The following POLR2E variants were observed in gnomAD, a reference collection of about 807,000 sequenced individuals.
POLR2E encodes DNA-directed RNA polymerases I, II, and III subunit RPABC1.
In POLR2E, 35 loss-of-function variants were observed where a neutral mutation model predicts 29.8. The ratio of observed to expected loss-of-function variants is 1.17; its 90% CI spans 0.90 to 1.55. POLR2E has a LOEUF of 1.55. Among genes scored for constraint, POLR2E ranks in the 40% most tolerant of loss-of-function variants. The pLI, the probability that POLR2E is intolerant of heterozygous loss-of-function variation, is 0.00. For missense variants in POLR2E, 287 were observed against 288.6 expected, an observed-to-expected ratio of 0.99 and a Z score of 0.04; for synonymous variants, 174 against 112.6, an observed-to-expected ratio of 1.55 and a Z score of -3.45.
At chr19:1,091,297 C>G (rs992016869) in intron 3 of POLR2E, among the ~76,000 whole-genome samples, 4 of 152,240 alleles carry the variant, frequency 2.6e-5, no homozygotes, top group Admixed American at 6.5e-5. Flanking sequence ...GGGTGCTGCT[C>G]TGTGTGGCTG....
At chr19:1,094,403 G>A in intron 1 of POLR2E, 1 of 318,712 alleles carries the variant, frequency 3.1e-6, no homozygotes, top group East Asian at 6.1e-5. Context: ...ACAAAGGCGG[G>A]GCGCGGAGGC....
chr19:1,091,743 G>A, intron 3 of POLR2E, 49 bp downstream of exon 3: 2 of 1,267,672 alleles, frequency 1.6e-6, no homozygotes, highest in Non-Finnish European at 2.3e-6. Context: ...GCTTGCGGGA[G>A]GAGGCTGGGG....
At chr19:1,090,404 C>T (rs2043803350) in intron 4 of POLR2E, among the ~76,000 whole-genome samples, 1 of 151,456 alleles carries the variant, frequency 6.6e-6, no homozygotes, top group Non-Finnish European at 1.5e-5. Context: ...GCACTAGGGT[C>T]CCTCCACACT....
intron 7 of POLR2E, 64 bp downstream of exon 7, chr19:1,089,408 C>T (rs1323372942): frequency 8.3e-6 from 9 of 1,090,482 alleles, no homozygotes; most frequent in African/African-American, 4.6e-5. Context: ...CCCTGCACAC[C>T]GACGGAGGGG....
rs529470047 is a variant in POLR2E at position 1,089,337 on chromosome 19, G to A, written c.*14+135C>T. Reference sequence around the variant, plus strand: ...GGGGGTCTGGGGGTGTCCTGGGAGCGCCTGGTGGCCCAGCTGGGCTGGTGC... The same window carrying A: ...GGGGGTCTGGGGGTGTCCTGGGAGCACCTGGTGGCCCAGCTGGGCTGGTGC... On this transcript the variant is annotated intron_variant, in intron 7 of 7. Transcript: ENST00000615234. 8.7e-4 allele frequency: 536 copies of A among 619,150 alleles called. 1 individual carries two copies. Among genetic ancestry groups the A allele is most frequent in the Non-Finnish European group, 1.2e-3 (416 of 343,788 alleles). 38.4% of individuals were successfully genotyped at this position (619,150 alleles called of 1,614,324 possible). A position where few individuals can be genotyped will look rare whatever the true frequency, so the allele number is the denominator to read the frequency against.
Position 1,095,319 on chromosome 19 carries a change from A to G in POLR2E, c.-4T>C, listed in dbSNP as rs538071326. 50 of 1,612,172 alleles carry G rather than the reference A, an allele frequency of 3.1e-5. No homozygotes were observed. In the African/African-American group the frequency reaches 3.7e-4, roughly 12 times the overall value. On this transcript the variant is annotated 5_prime_UTR_variant, in exon 1 of 8. Coordinates refer to ENST00000615234, the MANE Select transcript of POLR2E (RefSeq NM_002695.5). ...ACGTCTCCTCCTCGTCGTCCATGGC[A>G]GCCTCCGCCGCCGCCGCCGCTCGCA...
chr19:1,087,607 C>T lies in POLR2E; in HGVS notation c.*1128G>A, dbSNP rs932204245. ...TTCCAGTCTCTGACGACTCTAGTGA[C>T]CTCCTAGGAGTGACATCAGTGTTTG... On this transcript the variant is annotated 3_prime_UTR_variant, in exon 8 of 8. Transcript: ENST00000615234. 4 of 152,146 alleles carry T rather than the reference C, an allele frequency of 2.6e-5. No homozygotes were observed. The highest frequency in any genetic ancestry group is 7.2e-5 in the African/African-American group (3 of 41,390). 9.4% of individuals were successfully genotyped at this position (152,146 alleles called of 1,614,324 possible).
At chr19:1,095,219 G>T (rs745612263) in intron 1 of POLR2E, 40 bp downstream of exon 1, 9 of 1,604,990 alleles carry the variant, frequency 5.6e-6, no homozygotes, top group Non-Finnish European at 7.7e-6. Context: ...CCCTACACCC[G>T]CCGCCCGCGC....
chr19:1,089,694 G>A (rs1278965619), intron 6 of POLR2E, 143 bp from the exon 7 acceptor site: 3 of 815,850 alleles, frequency 3.7e-6, no homozygotes, highest in Non-Finnish European at 6.1e-6. Context: ...CGCTCCCTGG[G>A]AACCTGGGTC....
chr19:1,092,041 T>C (rs2043844126), intron 2 of POLR2E, 134 bp from the exon 3 acceptor site: 3 of 641,500 alleles, frequency 4.7e-6, no homozygotes, highest in Admixed American at 2.4e-5. Flanking sequence ...GCTTCCGCGT[T>C]TGCAAAACGA....
At chr19:1,090,243 G>A (rs182450604) in intron 4 of POLR2E, 98 bp from the exon 5 acceptor site, 10,738 of 1,049,352 alleles carry the variant, frequency 0.01, 79 homozygotes, top group Non-Finnish European at 0.013. Flanking sequence ...AGACGGACAA[G>A]AGCCCTGAAC....
At chr19:1,095,070 C>G (rs2043912049) in intron 1 of POLR2E, 189 bp downstream of exon 1, 1 of 597,358 alleles carries the variant, frequency 1.7e-6, no homozygotes, top group Non-Finnish European at 2.9e-6. Context: ...AACCCCCTCC[C>G]TTCCCCGCTG....
intron 2 of POLR2E, among the ~76,000 whole-genome samples, chr19:1,093,302 G>A (rs1054767374): frequency 1.3e-5 from 2 of 152,246 alleles, no homozygotes; most frequent in Non-Finnish European, 2.9e-5. Context: ...CCCCTAAGGC[G>A]CTTGCAATCC....
At chr19:1,091,059 G>T in intron 3 of POLR2E, 71 bp from the exon 4 acceptor site, 1 of 1,318,870 alleles carries the variant, frequency 7.6e-7, no homozygotes, top group Non-Finnish European at 1.1e-6. Context: ...CCTGCCTCAA[G>T]CTACCTGGGG....
chr19:1,093,761 G>A (rs1300995072), intron 2 of POLR2E, 143 bp downstream of exon 2: 1 of 1,414,250 alleles, frequency 7.1e-7, no homozygotes, highest in Non-Finnish European at 9.2e-7. Flanking sequence ...CCCACAGCAA[G>A]GAAGGGGAGG....
At chr19:1,090,616 C>T (rs569521394) in intron 4 of POLR2E, among the ~76,000 whole-genome samples, 2 of 152,100 alleles carry the variant, frequency 1.3e-5, no homozygotes, top group South Asian at 4.1e-4. Context: ...GACGGGGTTT[C>T]ACCGTGTTAG....
At position 1,089,485 on chromosome 19, in the gene POLR2E, G is replaced by A; in HGVS notation, c.*1C>T. The A allele has an allele frequency of 6.2e-7, 1 of 1,612,024 alleles. No individual in the cohort carries two copies. The highest frequency in any genetic ancestry group is 1.1e-5 in the South Asian group (1 of 91,032). On this transcript the variant is annotated 3_prime_UTR_variant, in exon 7 of 8. Transcript: ENST00000615234. ...CGGCCGTCTCACCTGTCAGGCGGTAGCTACTGCACCAGCCGGTAGGTGATG... is the reference window on the plus strand; with the variant it reads ...CGGCCGTCTCACCTGTCAGGCGGTAACTACTGCACCAGCCGGTAGGTGATG...
intron 2 of POLR2E, chr19:1,093,603 C>CGTATCATTAAA: frequency 2.9e-5 from 14 of 477,382 alleles, no homozygotes; most frequent in South Asian, 1.4e-4. Flanking sequence ...ATGGGGGAGC[C>CGTATCATTAAA]AAGGGACACT....
In POLR2E at chr19:1,087,705, G is replaced by A. The variant is rs550743199; in HGVS notation, c.*1030C>T. 2.0e-5 allele frequency: 3 copies of A among 152,256 alleles called. No individual in the cohort carries two copies. Among genetic ancestry groups the A allele is most frequent in the African/African-American group, 7.2e-5 (3 of 41,516 alleles). 9.4% of individuals were successfully genotyped at this position (152,256 alleles called of 1,614,324 possible). On this transcript the variant is annotated 3_prime_UTR_variant, in exon 8 of 8. Coordinates refer to ENST00000615234, the MANE Select transcript of POLR2E (RefSeq NM_002695.5). ...ACATTTGGAGAGAAGGGGAAGCACT[G>A]TCCCCATCACACACACAGTCCGCGG...
Sources: allele counts gnomAD v4.1 joint callset (sites outside exome capture counted in the v4.1 genomes callset), GRCh38; gene constraint gnomAD v4.1.1; transcripts MANE v1.5; gene names NCBI Gene and HGNC (gene_info 2026-07-23, HGNC 2026-07-21).